Variants in ATP8A2 observed in about 807,000 individuals in gnomAD.
ATP8A2 encodes ATPase phospholipid transporting 8A2, also known as phospholipid-transporting ATPase IB.
A neutral mutation model predicts 165.6 loss-of-function variants in ATP8A2; 100 were observed. That is an observed-to-expected ratio of 0.60 (90% CI 0.51 to 0.71). The LOEUF (loss-of-function observed/expected upper bound fraction) is 0.71. Among genes scored for constraint, ATP8A2 ranks in the 30% least tolerant of loss-of-function variants. ATP8A2 has a pLI of 0.00. For synonymous variants in ATP8A2, 543 were observed against 548.8 expected, an observed-to-expected ratio of 0.99 and a Z score of 0.15; for missense variants, 1,227 against 1,479.5, an observed-to-expected ratio of 0.83 and a Z score of 2.80.
At chr13:25,781,559 G>T (rs1255922279) in intron 27 of ATP8A2, among the ~76,000 whole-genome samples, 2 of 151,986 alleles carry the variant, frequency 1.3e-5, no homozygotes, top group Non-Finnish European at 2.9e-5. Context: ...TGCAGTGTTG[G>T]CTCACTGCAA....
chr13:25,563,723 TG>T (rs1261082900), intron 15 of ATP8A2, among the ~76,000 whole-genome samples: 5 of 152,204 alleles, frequency 3.3e-5, no homozygotes, highest in African/African-American at 4.8e-5. Flanking sequence ...TATTGTTCCT[TG>T]TAACTGTTGT....
intron 24 of ATP8A2, among the ~76,000 whole-genome samples, chr13:25,690,129 GT>G (rs11433711): frequency 1.3e-3 from 186 of 146,794 alleles, no homozygotes; most frequent in African/African-American, 2.6e-3. Flanking sequence ...TATTTTCAGA[GT>G]TTTTTTTTTT....
At chr13:25,583,075 A>G (rs1399407046) in intron 23 of ATP8A2, among the ~76,000 whole-genome samples, 1 of 152,216 alleles carries the variant, frequency 6.6e-6, no homozygotes, top group African/African-American at 2.4e-5. Flanking sequence ...GGAGAACAGT[A>G]TGATGGTATT....
chr13:25,901,195 A>G (rs762177052), intron 33 of ATP8A2, among the ~76,000 whole-genome samples: 3 of 152,194 alleles, frequency 2.0e-5, no homozygotes, highest in Non-Finnish European at 4.4e-5. Flanking sequence ...GGAAGCTTCT[A>G]CAGGCAAACT....
intron 8 of ATP8A2, among the ~76,000 whole-genome samples, 164 bp from the exon 9 acceptor site, chr13:25,541,755 T>C (rs2038483936): frequency 6.6e-6 from 1 of 152,220 alleles, no homozygotes; most frequent in Non-Finnish European, 1.5e-5. Flanking sequence ...CAAAAGCTAC[T>C]GGAAAAGTCT....
At chr13:25,659,960 A>G (rs1303721413) in intron 24 of ATP8A2, among the ~76,000 whole-genome samples, 1 of 152,172 alleles carries the variant, frequency 6.6e-6, no homozygotes, top group African/African-American at 2.4e-5. Context: ...GCTATTAGCC[A>G]TTTTTTCCCT....
At chr13:25,674,154 C>T (rs999802471) in intron 24 of ATP8A2, among the ~76,000 whole-genome samples, 1 of 152,072 alleles carries the variant, frequency 6.6e-6, no homozygotes, top group Admixed American at 6.5e-5. Flanking sequence ...CCCAAAGTAA[C>T]GTTTCCACAC....
intron 24 of ATP8A2, among the ~76,000 whole-genome samples, chr13:25,670,154 G>T (rs2042235283): frequency 6.6e-6 from 1 of 152,182 alleles, no homozygotes; most frequent in Non-Finnish European, 1.5e-5. Context: ...AAAGCTGGTT[G>T]TGTCAGTATT....
At chr13:25,723,897 G>A (rs561971641) in intron 25 of ATP8A2, among the ~76,000 whole-genome samples, 12 of 152,304 alleles carry the variant, frequency 7.9e-5, no homozygotes, top group African/African-American at 2.4e-4. Flanking sequence ...AACAGAGATA[G>A]GGGAAGCCAG....
chr13:25,391,890 G>A (rs1365626809), intron 1 of ATP8A2, among the ~76,000 whole-genome samples: 2 of 152,146 alleles, frequency 1.3e-5, no homozygotes, highest in Non-Finnish European at 2.9e-5. Context: ...AGAATATGCG[G>A]TTGAAAAAAA....
intron 1 of ATP8A2, among the ~76,000 whole-genome samples, chr13:25,458,537 A>T (rs1593336030): frequency 6.6e-6 from 1 of 152,224 alleles, no homozygotes; most frequent in South Asian, 2.1e-4. Context: ...GTTAGGGCGC[A>T]CCTGCAATTC....
At chr13:25,459,110 G>T (rs1593336823) in intron 1 of ATP8A2, among the ~76,000 whole-genome samples, 1 of 152,282 alleles carries the variant, frequency 6.6e-6, no homozygotes, top group Admixed American at 6.5e-5. Context: ...TATTCCCCAT[G>T]CCCCCATCTC....
At chr13:25,943,587 C>A (rs1218923861) in intron 33 of ATP8A2, among the ~76,000 whole-genome samples, 1 of 152,208 alleles carries the variant, frequency 6.6e-6, no homozygotes, top group Non-Finnish European at 1.5e-5. Context: ...GCTCCCACAA[C>A]AACGCACTCA....
intron 23 of ATP8A2, among the ~76,000 whole-genome samples, chr13:25,585,392 AT>A (rs1312139451): frequency 6.6e-6 from 1 of 151,966 alleles, no homozygotes; most frequent in Admixed American, 6.6e-5. Flanking sequence ...GCAGTCTGTA[AT>A]TTTTTTTAAT....
intron 25 of ATP8A2, among the ~76,000 whole-genome samples, chr13:25,736,003 G>A (rs763557916): frequency 1.3e-4 from 20 of 152,042 alleles, no homozygotes; most frequent in Non-Finnish European, 2.2e-4. Flanking sequence ...TTTACCATAC[G>A]TTTTCTATGT....
intron 6 of ATP8A2, among the ~76,000 whole-genome samples, chr13:25,535,576 G>T (rs1004595929): frequency 2.0e-5 from 3 of 152,166 alleles, no homozygotes; most frequent in Non-Finnish European, 4.4e-5. Context: ...CACTTTGGGA[G>T]GCTGAGGCAG....
intron 27 of ATP8A2, among the ~76,000 whole-genome samples, chr13:25,814,620 TAAA>T (rs3981881): frequency 7.7e-6 from 1 of 129,614 alleles, no homozygotes; most frequent in Non-Finnish European, 1.6e-5. Flanking sequence ...AGCATTCAAT[TAAA>T]AAAAAAAAAA....
chr13:25,973,933 T>G (rs1016100597), intron 35 of ATP8A2, among the ~76,000 whole-genome samples: 2 of 152,244 alleles, frequency 1.3e-5, no homozygotes, highest in African/African-American at 4.8e-5. Flanking sequence ...ATACCTATTA[T>G]TGGCTTTTTT....
chr13:25,819,315 C>T (rs1238767828), intron 27 of ATP8A2, among the ~76,000 whole-genome samples: 1 of 152,066 alleles, frequency 6.6e-6, no homozygotes, highest in African/African-American at 2.4e-5. Flanking sequence ...TAGATGAGGC[C>T]CTGTCATTAT....
Sources: allele counts gnomAD v4.1 joint callset (sites outside exome capture counted in the v4.1 genomes callset), GRCh38; gene constraint gnomAD v4.1.1; transcripts MANE v1.5; gene names NCBI Gene and HGNC (gene_info 2026-07-23, HGNC 2026-07-21).